The following ANGPT1 variants were observed in gnomAD, a reference collection of about 807,000 sequenced individuals.
ANGPT1 encodes the protein angiopoietin 1.
In ANGPT1, 17 loss-of-function variants were observed where a neutral mutation model predicts 62.2. That is an observed-to-expected ratio of 0.27 (90% CI 0.19 to 0.41). The LOEUF (loss-of-function observed/expected upper bound fraction) is 0.41. Ranked by LOEUF, ANGPT1 falls within the 10% of genes least tolerant of loss-of-function variation. The pLI is 1.00. For missense variants in ANGPT1, 478 were observed against 594.9 expected (o/e 0.80, Z 2.04); for synonymous variants, 199 against 198.9 (o/e 1.00, Z 0.00).
chr8:107,429,672 C>G (rs1237138538), intron 1 of ANGPT1, among the ~76,000 whole-genome samples: 1 of 132,168 alleles, frequency 7.6e-6, no homozygotes, highest in Non-Finnish European at 1.7e-5. Flanking sequence ...AAAAAAAAGT[C>G]GACTCTGCTG....
chr8:107,334,545 C>G (rs566286395), intron 3 of ANGPT1, among the ~76,000 whole-genome samples: 5 of 148,716 alleles, frequency 3.4e-5, no homozygotes, highest in African/African-American at 1.2e-4. Context: ...TTTTTTTTGT[C>G]CTTATGCTAT....
intron 1 of ANGPT1, among the ~76,000 whole-genome samples, chr8:107,403,449 T>G (rs1586293567): frequency 6.6e-6 from 1 of 152,132 alleles, no homozygotes; most frequent in Admixed American, 6.6e-5. Context: ...CTAATTACAC[T>G]GGCAATCAGT....
intron 1 of ANGPT1, among the ~76,000 whole-genome samples, chr8:107,373,635 G>C (rs1654713): frequency 0.84 from 128,091 of 151,856 alleles, 54,903 homozygotes; most frequent in East Asian, 0.98. Flanking sequence ...TAAGTTCTAC[G>C]ATGATGGAAG....
chr8:107,464,724 G>A (rs1347860313), intron 1 of ANGPT1, among the ~76,000 whole-genome samples: 2 of 152,108 alleles, frequency 1.3e-5, no homozygotes, highest in Non-Finnish European at 2.9e-5. Flanking sequence ...TAAATTTATT[G>A]TAAGGATCAA....
chr8:107,453,028 G>A (rs962816884), intron 1 of ANGPT1, among the ~76,000 whole-genome samples: 2 of 151,956 alleles, frequency 1.3e-5, no homozygotes, highest in Non-Finnish European at 2.9e-5. Context: ...CATCCAAAAA[G>A]GTTAAATGCT....
chr8:107,390,406 T>C (rs1013811815), intron 1 of ANGPT1, among the ~76,000 whole-genome samples: 1 of 152,340 alleles, frequency 6.6e-6, no homozygotes, highest in South Asian at 2.1e-4. Flanking sequence ...GTTTAAAATA[T>C]TGAGCTGAAT....
At chr8:107,434,329 C>T (rs1811279190) in intron 1 of ANGPT1, among the ~76,000 whole-genome samples, 1 of 152,074 alleles carries the variant, frequency 6.6e-6, no homozygotes, top group Admixed American at 6.6e-5. Flanking sequence ...AGTCTGGACT[C>T]AATGCATGCT....
At chr8:107,373,815 T>C (rs1388029124) in intron 1 of ANGPT1, among the ~76,000 whole-genome samples, 3 of 152,250 alleles carry the variant, frequency 2.0e-5, no homozygotes, top group East Asian at 1.9e-4. Flanking sequence ...GAAAGACTTA[T>C]TAAAAACAGA....
Position 107,320,146 on chromosome 8 carries a change from C to T in ANGPT1, c.808+1750G>A, listed in dbSNP as rs1481064359. ...AATGGCTATGAAGGGTACCATCTAT[C>T]ATGGCTATCCTCATTTTTCAAAAAT... On this transcript the variant is annotated intron_variant, in intron 4 of 8. Coordinates refer to ENST00000517746, the MANE Select transcript of ANGPT1 (RefSeq NM_001146.5). 5.9e-5 allele frequency among the ~76,000 whole-genome samples: 9 copies of T among 152,114 alleles called. No individual in the cohort carries two copies. The East Asian group carries it at 1.7e-3, about 29-fold the overall frequency.
chr8:107,491,388 C>T (rs2130541745), intron 1 of ANGPT1, among the ~76,000 whole-genome samples: 1 of 152,098 alleles, frequency 6.6e-6, no homozygotes, highest in Non-Finnish European at 1.5e-5. Flanking sequence ...AATAATCTGA[C>T]AGACAATAAG....
chr8:107,365,081 T>C (rs754649261), intron 1 of ANGPT1, among the ~76,000 whole-genome samples: 1 of 152,190 alleles, frequency 6.6e-6, no homozygotes, highest in Non-Finnish European at 1.5e-5. Context: ...TCACCTTATG[T>C]AGTACACAAG....
intron 1 of ANGPT1, among the ~76,000 whole-genome samples, chr8:107,438,829 G>A (rs906181474): frequency 6.6e-6 from 1 of 151,856 alleles, no homozygotes; most frequent in Non-Finnish European, 1.5e-5. Flanking sequence ...GTTTAGAGAG[G>A]GCAGGATTAA....
rs1815554023 is a variant in ANGPT1, at chr8:107,336,172, A to G, written c.553T>C (p.Leu185=). 43 of 1,605,330 alleles carry G rather than the reference A, an allele frequency of 2.7e-5. No individual in the cohort carries two copies. Among genetic ancestry groups the G allele is most frequent in the Non-Finnish European group, 3.7e-5 (43 of 1,177,700 alleles). The change falls in exon 3 of 9, where the codon TTG becomes CTG. Residue 185 remains leucine (L), a synonymous_variant. Coordinates refer to ENST00000517746, the MANE Select transcript of ANGPT1 (RefSeq NM_001146.5). ...KQLLQQTNEI[L]KIHEKNSLLE... ...CACCTGTTTTTTTCATGGATCTTCA[A>G]GATTTCATTTGTCTGTTGAAGAAGT...
At chr8:107,303,676 T>C (rs920775794) in intron 4 of ANGPT1, among the ~76,000 whole-genome samples, 1 of 151,896 alleles carries the variant, frequency 6.6e-6, no homozygotes, top group Non-Finnish European at 1.5e-5. Context: ...GACCTGGGCA[T>C]GTAATATCTT....
rs72672544 is a variant in ANGPT1 at position 107,356,468 on chromosome 8, C to T, written c.298-9371G>A. Among the ~76,000 whole-genome samples the T allele has an allele frequency of 1.4e-3, 215 of 152,208 alleles. 1 individual carries two copies. Among genetic ancestry groups the T allele is most frequent in the Non-Finnish European group, 2.7e-3 (187 of 68,008 alleles). ...TAAAGAAAGGAACAAATCCTCTCAA[C>T]GAGAGAATCTAATAAGTCTTTCCAG... On this transcript the variant is annotated intron_variant, in intron 1 of 8. Transcript: ENST00000517746.
chr8:107,292,658 C>T (rs1213273505), intron 6 of ANGPT1, among the ~76,000 whole-genome samples: 3 of 152,116 alleles, frequency 2.0e-5, no homozygotes, highest in Non-Finnish European at 4.4e-5. Context: ...TAAGTCCAAA[C>T]TTTTTAAACG....
intron 1 of ANGPT1, among the ~76,000 whole-genome samples, chr8:107,434,543 C>A (rs1228499876): frequency 6.6e-6 from 1 of 151,612 alleles, no homozygotes; most frequent in Non-Finnish European, 1.5e-5. Context: ...AGGAGATGAA[C>A]GATTAAAGAG....
chr8:107,407,260 T>C (rs920539184), intron 1 of ANGPT1, among the ~76,000 whole-genome samples: 5 of 85,934 alleles, frequency 5.8e-5, no homozygotes, highest in Admixed American at 3.9e-4. Flanking sequence ...GAACTCAATG[T>C]AGACCATGTT....
chr8:107,315,718 G>A (rs929165374), intron 4 of ANGPT1, among the ~76,000 whole-genome samples: 7 of 151,588 alleles, frequency 4.6e-5, no homozygotes, highest in African/African-American at 1.7e-4. Flanking sequence ...TTCATACAAT[G>A]CACTCATAAC....
Sources: allele counts gnomAD v4.1 joint callset (sites outside exome capture counted in the v4.1 genomes callset), GRCh38; gene constraint gnomAD v4.1.1; transcripts MANE v1.5; gene names NCBI Gene and HGNC (gene_info 2026-07-23, HGNC 2026-07-21).